The following CREM variants were observed in gnomAD, a reference collection of about 807,000 sequenced individuals.
CREM encodes cAMP-responsive element modulator.
In CREM, 13 loss-of-function variants were observed where a neutral mutation model predicts 37.3. The observed-to-expected ratio is 0.35, with a 90% confidence interval of 0.23 to 0.55. The LOEUF (loss-of-function observed/expected upper bound fraction) is 0.55. Ranked by LOEUF, CREM falls within the 20% of genes least tolerant of loss-of-function variation. CREM has a pLI of 0.88. For missense variants in CREM, 296 were observed against 362.3 expected, an observed-to-expected ratio of 0.82 and a Z score of 1.49; for synonymous variants, 124 against 120.2, an observed-to-expected ratio of 1.03 and a Z score of -0.21.
At position 35,207,965 on chromosome 10, in the gene CREM, T is replaced by A. The variant is rs1168740608; in HGVS notation, c.755+914T>A. Among the ~76,000 whole-genome samples the A allele has an allele frequency of 2.6e-5, 4 of 152,200 alleles. No individual in the cohort carries two copies. In the East Asian group the frequency reaches 7.7e-4, roughly 29 times the overall value. On this transcript the variant is annotated intron_variant, in intron 7 of 7. Coordinates refer to ENST00000685392, the MANE Select transcript of CREM (RefSeq NM_183011.2). ...GATGTCCAAAAGATACAGTAATTTTTAAAAATAATGATTAAAGGACTTTGT... is the reference window on the plus strand; with the variant it reads ...GATGTCCAAAAGATACAGTAATTTTAAAAAATAATGATTAAAGGACTTTGT...
At chr10:35,131,418 T>G (rs1295459116) in intron 1 of CREM, among the ~76,000 whole-genome samples, 1 of 152,198 alleles carries the variant, frequency 6.6e-6, no homozygotes, top group East Asian at 1.9e-4. Context: ...TTGTTTATAT[T>G]CTTAATCTCA....
chr10:35,211,211 T>G (rs1307567537), intron 7 of CREM, 43 bp from the exon 8 acceptor site: 1 of 1,598,434 alleles, frequency 6.3e-7, no homozygotes, highest in African/African-American at 1.3e-5. Context: ...TGGATTGTGT[T>G]GGAAGGCTGT....
At chr10:35,129,607 G>GA (rs1398449738) in intron 1 of CREM, among the ~76,000 whole-genome samples, 6 of 152,192 alleles carry the variant, frequency 3.9e-5, no homozygotes, top group Admixed American at 3.9e-4. Context: ...TGTTCTTACT[G>GA]AAAAGCTCTC....
chr10:35,133,709 T>C (rs559953209), intron 1 of CREM, among the ~76,000 whole-genome samples: 10 of 152,392 alleles, frequency 6.6e-5, no homozygotes, highest in Non-Finnish European at 1.5e-4. Flanking sequence ...TTTAATCTAC[T>C]TAGTCATTTC....
chr10:35,181,685 G>A (rs1262669188), intron 5 of CREM, among the ~76,000 whole-genome samples: 1 of 152,122 alleles, frequency 6.6e-6, no homozygotes, highest in Admixed American at 6.5e-5. Context: ...ACCAGTCTGG[G>A]CAATAGAGTG....
intron 6 of CREM, chr10:35,196,464 A>G (rs1185158028): frequency 4.8e-6 from 1 of 209,776 alleles, no homozygotes; most frequent in Non-Finnish European, 9.5e-6. Flanking sequence ...GTTTTAAACA[A>G]CTTCACTACA....
chr10:35,148,817 C>G (rs1564817344), intron 3 of CREM, among the ~76,000 whole-genome samples: 1 of 152,144 alleles, frequency 6.6e-6, no homozygotes, highest in African/African-American at 2.4e-5. Flanking sequence ...GTTAAGATGA[C>G]AGAAATCTTA....
chr10:35,190,329 T>G (rs2094856029), intron 6 of CREM, among the ~76,000 whole-genome samples: 2 of 152,228 alleles, frequency 1.3e-5, no homozygotes, highest in South Asian at 4.1e-4. Context: ...TATATAGTAT[T>G]TGGTGGGAAT....
intron 5 of CREM, among the ~76,000 whole-genome samples, chr10:35,187,204 A>G (rs1345358361): frequency 2.5e-5 from 2 of 78,648 alleles, no homozygotes; most frequent in East Asian, 3.8e-4. Context: ...AATATATAAT[A>G]TATATTATAT....
chr10:35,137,289 G>A (rs1172265278), intron 1 of CREM, among the ~76,000 whole-genome samples: 1 of 152,090 alleles, frequency 6.6e-6, no homozygotes, highest in African/African-American at 2.4e-5. Context: ...TATTTTGTTT[G>A]GAGTTTAATT....
At chr10:35,139,047 T>A (rs1401310263) in intron 2 of CREM, among the ~76,000 whole-genome samples, 1 of 152,130 alleles carries the variant, frequency 6.6e-6, no homozygotes, top group Non-Finnish European at 1.5e-5. Context: ...AAAGGAGATT[T>A]CAGAGAAATA....
intron 7 of CREM, among the ~76,000 whole-genome samples, chr10:35,207,919 A>T (rs1212101587): frequency 6.6e-6 from 1 of 152,208 alleles, no homozygotes; most frequent in East Asian, 1.9e-4. Context: ...AGCAGGAGTT[A>T]CATCCCTATG....
At chr10:35,145,063 A>G (rs1290144709) in intron 2 of CREM, among the ~76,000 whole-genome samples, 1 of 148,396 alleles carries the variant, frequency 6.7e-6, no homozygotes, top group Non-Finnish European at 1.5e-5. Context: ...TGAGAGGCTG[A>G]GGCGGGAGAA....
rs551604469 is a variant in CREM at position 35,151,316 on chromosome 10, A to G, written c.168+2825A>G. Among the ~76,000 whole-genome samples the G allele has an allele frequency of 3.9e-5, 6 of 152,132 alleles. No homozygotes were observed. The East Asian group carries it at 5.8e-4, about 15-fold the overall frequency. The stretch of plus-strand genomic sequence containing the variant: ...ATTCTTGGAGTTTTGCTGTTTTTCT[A>G]TTTTATATTGTTAGAAGTATTTTTT... On this transcript the variant is annotated intron_variant, in intron 3 of 7. Transcript: ENST00000685392.
chr10:35,170,111 C>T (rs1172773750), intron 3 of CREM, among the ~76,000 whole-genome samples: 22 of 152,040 alleles, frequency 1.4e-4, no homozygotes, highest in African/African-American at 3.9e-4. Context: ...TACAGGCACC[C>T]GCCACCACAC....
chr10:35,196,846 G>A (rs2095194408), intron 6 of CREM, among the ~76,000 whole-genome samples: 1 of 147,724 alleles, frequency 6.8e-6, no homozygotes, highest in Non-Finnish European at 1.5e-5. Context: ...TAAATAAAAT[G>A]ATGTGAAAAC....
chr10:35,181,613 C>T (rs962824434), intron 5 of CREM, among the ~76,000 whole-genome samples: 3 of 152,176 alleles, frequency 2.0e-5, no homozygotes, highest in African/African-American at 7.2e-5. Flanking sequence ...TGGCTCCCAC[C>T]TGTAATCCCA....
At chr10:35,174,470 G>A (rs2093960924) in intron 3 of CREM, among the ~76,000 whole-genome samples, 1 of 152,116 alleles carries the variant, frequency 6.6e-6, no homozygotes, top group South Asian at 2.1e-4. Flanking sequence ...GTTTTCCAAG[G>A]GAATGATGAT....
intron 5 of CREM, among the ~76,000 whole-genome samples, chr10:35,182,503 T>C (rs1352362515): frequency 6.6e-6 from 1 of 152,212 alleles, no homozygotes; most frequent in Non-Finnish European, 1.5e-5. Context: ...TTTTCCAATA[T>C]TTTATTAGTT....
Sources: gnomAD v4.1 joint callset for allele counts (sites outside exome capture counted in the v4.1 genomes callset) on GRCh38, gnomAD v4.1.1 for gene constraint, MANE v1.5 for transcripts, NCBI Gene and HGNC (gene_info 2026-07-23, HGNC 2026-07-21) for gene names.